The following MYO1E variants were observed in gnomAD, a reference collection of about 807,000 sequenced individuals.
MYO1E encodes the protein unconventional myosin-Ie.
A neutral mutation model predicts 151.1 loss-of-function variants in MYO1E; 68 were observed. The observed-to-expected ratio is 0.45, with a 90% confidence interval of 0.37 to 0.55. The LOEUF is 0.55. Ranked by LOEUF, MYO1E falls within the 20% of genes least tolerant of loss-of-function variation. MYO1E has a pLI of 0.00. For synonymous variants in MYO1E, 601 were observed against 501.7 expected (o/e 1.20, Z -2.64); for missense variants, 1,363 against 1,389.3 (o/e 0.98, Z 0.30).
chr15:59,310,268 G>A (rs1484853301), intron 1 of MYO1E, among the ~76,000 whole-genome samples: 3 of 152,178 alleles, frequency 2.0e-5, no homozygotes, highest in African/African-American at 7.2e-5. Flanking sequence ...GTGCAGCGAA[G>A]TGTGTATCTG....
chr15:59,246,100 T>A (rs1446398789), intron 4 of MYO1E, among the ~76,000 whole-genome samples: 2 of 152,166 alleles, frequency 1.3e-5, no homozygotes, highest in South Asian at 2.1e-4. Flanking sequence ...ATTCTTTTTT[T>A]AAATTTTTTA....
chr15:59,144,667 G>GT (rs1413842476), intron 26 of MYO1E, among the ~76,000 whole-genome samples: 4 of 152,146 alleles, frequency 2.6e-5, no homozygotes, highest in African/African-American at 4.8e-5. Flanking sequence ...CAGGAAATCT[G>GT]TGTCAACGAA....
Position 59,133,829 on chromosome 15 carries a change from G to A in MYO1E, c.*3551C>T, listed in dbSNP as rs2079357246. 1.3e-5 allele frequency: 2 copies of A among 152,294 alleles called. No individual in the cohort carries two copies. Among genetic ancestry groups the A allele is most frequent in the Non-Finnish European group, 2.9e-5 (2 of 68,104 alleles). 9.4% of individuals were successfully genotyped at this position (152,294 alleles called of 1,614,324 possible). On this transcript the variant is annotated 3_prime_UTR_variant, in exon 28 of 28. Transcript: ENST00000288235. The stretch of plus-strand genomic sequence containing the variant: ...TATAAAAGAAATGGTAGCAACTAGA[G>A]GCACAGGCTGACTTGGTGTGACCAG...
At position 59,209,212 on chromosome 15, in the gene MYO1E, G is replaced by C. The variant is rs1430676225; in HGVS notation, c.1363-364C>G. ...ATTTCTTAATGTTCTCTTTCAGCGTGTTACCCATATAGGCATCATTTCGGT... is the reference window on the plus strand; with the variant it reads ...ATTTCTTAATGTTCTCTTTCAGCGTCTTACCCATATAGGCATCATTTCGGT... On this transcript the variant is annotated intron_variant, in intron 13 of 27. Coordinates refer to ENST00000288235, the MANE Select transcript of MYO1E (RefSeq NM_004998.4). 2.6e-5 allele frequency among the ~76,000 whole-genome samples: 4 copies of C among 152,186 alleles called. No homozygotes were observed. The East Asian group carries it at 7.7e-4, about 29-fold the overall frequency.
intron 1 of MYO1E, among the ~76,000 whole-genome samples, chr15:59,279,378 G>T (rs1267769383): frequency 2.0e-5 from 3 of 152,192 alleles, no homozygotes; most frequent in Non-Finnish European, 4.4e-5. Context: ...TGATGCAGAA[G>T]AGAGTGTTGT....
In MYO1E at chr15:59,325,400, G is replaced by T. The variant is rs115385804; in HGVS notation, c.3+47098C>A. Among the ~76,000 whole-genome samples the T allele has an allele frequency of 1.6e-3, 244 of 152,258 alleles. 1 individual carries two copies. The highest frequency in any genetic ancestry group is 5.4e-3 in the African/African-American group (225 of 41,560). Reference sequence around the variant, plus strand: ...ACATAACCAGGGATTTCGTGGAAGTGATCACAGCTTGACTAAAGGACTTAA... The same window carrying T: ...ACATAACCAGGGATTTCGTGGAAGTTATCACAGCTTGACTAAAGGACTTAA... On this transcript the variant is annotated intron_variant, in intron 1 of 27. Transcript: ENST00000288235.
chr15:59,243,540 G>A (rs898120249), intron 4 of MYO1E, among the ~76,000 whole-genome samples: 26 of 152,292 alleles, frequency 1.7e-4, no homozygotes, highest in Non-Finnish European at 2.1e-4. Flanking sequence ...AAAAGGAGGT[G>A]AGAGAGTCTG....
chr15:59,158,172 C>T, intron 25 of MYO1E, 115 bp downstream of exon 25: 1 of 936,528 alleles, frequency 1.1e-6, no homozygotes, highest in South Asian at 1.4e-5. Flanking sequence ...CTGAAATGGT[C>T]CATGCCTGGT....
At chr15:59,236,748 C>G in intron 4 of MYO1E, 76 bp from the exon 5 acceptor site, 3 of 1,291,006 alleles carry the variant, frequency 2.3e-6, no homozygotes, top group Middle Eastern at 3.7e-4. Flanking sequence ...CCCCATCACA[C>G]AAAACAAACA....
At chr15:59,258,888 G>C (rs1281184841) in intron 3 of MYO1E, among the ~76,000 whole-genome samples, 3 of 151,190 alleles carry the variant, frequency 2.0e-5, no homozygotes, top group African/African-American at 7.2e-5. Flanking sequence ...AAAACATTTA[G>C]ATCCAACTTA....
At position 59,350,461 on chromosome 15, in the gene MYO1E, T is replaced by C. The variant is rs532647167; in HGVS notation, c.3+22037A>G. 3.1e-4 allele frequency among the ~76,000 whole-genome samples: 47 copies of C among 152,332 alleles called. No homozygotes were observed. The highest frequency in any genetic ancestry group is 3.4e-3 in the Middle Eastern group (1 of 294). ...AGGATAAAGGGTACAGCCTCTATCA[T>C]TGAATAAACCAGAAAAGACACAGGA... On this transcript the variant is annotated intron_variant, in intron 1 of 27. Coordinates refer to ENST00000288235, the MANE Select transcript of MYO1E (RefSeq NM_004998.4). This position sits in a 1 kb window ranked among gnomAD's most constrained non-coding sequence, Gnocchi z 5.0.
At chr15:59,337,961 C>T (rs546443234) in intron 1 of MYO1E, among the ~76,000 whole-genome samples, 1 of 152,314 alleles carries the variant, frequency 6.6e-6, no homozygotes, top group South Asian at 2.1e-4. Flanking sequence ...CATGATGTGG[C>T]TAATATGGTT....
chr15:59,231,627 G>A (rs1490318331), intron 6 of MYO1E, 75 bp downstream of exon 6: 3 of 1,463,108 alleles, frequency 2.1e-6, no homozygotes, highest in Non-Finnish European at 2.9e-6. Context: ...CATTTCCTGT[G>A]GGATACTAGA....
At chr15:59,253,942 G>T (rs1275403596) in intron 4 of MYO1E, among the ~76,000 whole-genome samples, 1 of 145,770 alleles carries the variant, frequency 6.9e-6, no homozygotes, top group East Asian at 1.9e-4. Flanking sequence ...AACAAAAAGG[G>T]GAAGGGAAAA....
At chr15:59,310,314 T>A (rs138297687) in intron 1 of MYO1E, among the ~76,000 whole-genome samples, 1 of 152,192 alleles carries the variant, frequency 6.6e-6, no homozygotes, top group African/African-American at 2.4e-5. Flanking sequence ...AAAAAAGACA[T>A]GTTGAAGTCC....
chr15:59,321,709 C>A (rs1732259269), intron 1 of MYO1E, among the ~76,000 whole-genome samples: 1 of 151,994 alleles, frequency 6.6e-6, no homozygotes. Flanking sequence ...TGGGTAAGAA[C>A]TGAAAAACTA....
intron 1 of MYO1E, among the ~76,000 whole-genome samples, chr15:59,362,809 C>T (rs2080892623): frequency 6.6e-6 from 1 of 152,170 alleles, no homozygotes; most frequent in African/African-American, 2.4e-5. Context: ...ATGGTGGTCA[C>T]ACCGAAGAAA....
At position 59,266,706 on chromosome 15, in the gene MYO1E, G is replaced by A. The variant is rs113622323; in HGVS notation, c.148-5197C>T. The A allele has an allele frequency of 9.0e-4, 124 of 138,484 alleles. 2 individuals are homozygous for A. The highest frequency in any genetic ancestry group is 3.1e-3 in the African/African-American group (119 of 38,074). The allele number at this position is 138,484 out of a possible 1,614,324, so 8.6% of individuals were successfully genotyped here. ...GAGACGGAGTCTCAGTCTGTCACCC[G>A]GATGGAGTGCAGTGGTGTGATATTG... On this transcript the variant is annotated intron_variant, in intron 2 of 27. Transcript: ENST00000288235.
intron 23 of MYO1E, among the ~76,000 whole-genome samples, chr15:59,161,729 G>A (rs575259311): frequency 1.3e-5 from 2 of 152,242 alleles, no homozygotes; most frequent in African/African-American, 2.4e-5. Context: ...CCCAGGGATG[G>A]AAAAAGACAC....
Sources: allele counts gnomAD v4.1 joint callset (sites outside exome capture counted in the v4.1 genomes callset), GRCh38; gene constraint gnomAD v4.1.1; non-coding constraint Gnocchi (gnomAD v3.1); transcripts MANE v1.5; gene names NCBI Gene and HGNC (gene_info 2026-07-23, HGNC 2026-07-21).